Variants in CYREN observed in about 807,000 individuals in gnomAD.
CYREN encodes the protein cell cycle regulator of non-homologous end joining.
Under a neutral mutation model 9.7 loss-of-function variants are expected in CYREN, and 7 were observed. The ratio of observed to expected loss-of-function variants is 0.72; its 90% confidence interval spans 0.41 to 1.36. The LOEUF (loss-of-function observed/expected upper bound fraction) is 1.36. Among genes scored for constraint, CYREN ranks in the 40% most tolerant of loss-of-function variants. The probability of loss-of-function intolerance (pLI) is 0.01; values close to 1 mark genes in which losing one functional copy is unlikely to be tolerated. For synonymous variants in CYREN, 76 were observed against 77.9 expected (o/e 0.98, Z 0.13); for missense variants, 215 against 198.1 (o/e 1.09, Z -0.51).
intron 2 of CYREN, among the ~76,000 whole-genome samples, chr7:135,122,669 CAGA>C (rs1252144707): frequency 6.6e-6 from 1 of 152,152 alleles, no homozygotes; most frequent in Non-Finnish European, 1.5e-5. Flanking sequence ...TCAGAGATCC[CAGA>C]AGAAGGAGCA....
downstream of CYREN, chr7:135,164,910 G>A (rs201284142): frequency 1.8e-4 from 290 of 1,614,104 alleles, no homozygotes; most frequent in Non-Finnish European, 2.4e-4. Flanking sequence ...TCTGGGCAGC[G>A]CCCAGGCCTT....
chr7:135,128,927 C>T (rs1039592378), intron 2 of CYREN: 3 of 1,534,328 alleles, frequency 2.0e-6, no homozygotes, highest in African/African-American at 2.7e-5. Context: ...TGTTCCTGTG[C>T]AATATCTGTT....
chr7:135,094,653 C>T (rs747237283), intron 2 of CYREN: 27 of 390,494 alleles, frequency 6.9e-5, no homozygotes, highest in Non-Finnish European at 1.3e-4. Context: ...AGGGCCTACT[C>T]TCTTAGGGTG....
rs559118247 is a variant in CYREN, at chr7:135,149,188, CT to C, written n.356+19560del. On this transcript the variant is annotated intron_variant and non_coding_transcript_variant, in intron 2 of 2. Coordinates refer to the CYREN transcript ENST00000459937. The stretch of plus-strand genomic sequence containing the variant: ...TTTTGAATGCCTGTTTTATAAATTT[CT>C]TTTTTTTTCATAAATGTAGCACATA... Among the ~76,000 whole-genome samples, 723 of 151,246 alleles carry C rather than the reference CT, an allele frequency of 4.8e-3. 3 individuals carry two copies. The highest frequency in any genetic ancestry group is 0.016 in the African/African-American group (677 of 41,270).
chr7:135,129,439 T>C, intron 2 of CYREN: 1 of 784,904 alleles, frequency 1.3e-6, no homozygotes, highest in Non-Finnish European at 2.4e-6. Flanking sequence ...CTGGAAGAGA[T>C]GGAAAGTAAG....
exon 3 of CYREN, chr7:135,094,345 C>T (rs769731849): frequency 1.5e-4 from 70 of 456,300 alleles, no homozygotes; most frequent in Admixed American, 5.4e-4. Flanking sequence ...AAGAGACAGA[C>T]GAATCCAGGG....
chr7:135,131,031 T>G (rs940823253), intron 2 of CYREN, among the ~76,000 whole-genome samples: 2 of 152,136 alleles, frequency 1.3e-5, no homozygotes, highest in Non-Finnish European at 2.9e-5. Context: ...CTGTTTTAGG[T>G]GTGTGTGTCC....
chr7:135,154,829 G>C (rs1829749584), intron 2 of CYREN, among the ~76,000 whole-genome samples: 1 of 152,200 alleles, frequency 6.6e-6, no homozygotes, highest in Admixed American at 6.5e-5. Flanking sequence ...TTCTGTAGTT[G>C]TTGGGTAGAA....
intron 2 of CYREN, among the ~76,000 whole-genome samples, chr7:135,118,754 C>T (rs1393895722): frequency 6.6e-6 from 1 of 151,556 alleles, no homozygotes; most frequent in African/African-American, 2.4e-5. Context: ...TAAAATGCTT[C>T]AAAAAACACT....
intron 2 of CYREN, chr7:135,100,073 A>C (rs1366204928): frequency 6.6e-6 from 1 of 151,202 alleles, no homozygotes; most frequent in Non-Finnish European, 1.5e-5. Flanking sequence ...TTTTTAGTAG[A>C]GATGGGGTTT....
Position 135,094,417 on chromosome 7 carries a change from C to A in CYREN, n.522G>T, listed in dbSNP as rs1340398754. The A allele has an allele frequency of 6.6e-6, 3 of 456,672 alleles. No homozygotes were observed. In the East Asian group the frequency reaches 2.1e-4, roughly 32 times the overall value. The allele number at this position is 456,672 out of a possible 1,614,324, so 28.3% of individuals were successfully genotyped here. On this transcript the variant is annotated non_coding_transcript_exon_variant, in exon 3 of 3. Transcript: ENST00000459937. ...TGCTAGAATCATAAACTGGTAGGAA[C>A]ACTTAAACAGTGATTTTAACAAATT... is the stretch of plus-strand genomic sequence containing the variant.
At chr7:135,165,187 AG>A (rs1383065553), downstream of CYREN, 2 of 594,742 alleles carry the variant, frequency 3.4e-6, no homozygotes, top group African/African-American at 1.9e-5. Flanking sequence ...GTGACTTCTT[AG>A]TACAAGATTG....
At chr7:135,100,671 T>C (rs1585115150) in intron 2 of CYREN, among the ~76,000 whole-genome samples, 2 of 152,382 alleles carry the variant, frequency 1.3e-5, no homozygotes, top group African/African-American at 4.8e-5. Context: ...TCTTTGGGCC[T>C]ACTTTCACTT....
At chr7:135,164,618 C>T (rs772586317), downstream of CYREN, 37 of 1,614,122 alleles carry the variant, frequency 2.3e-5, no homozygotes, top group Non-Finnish European at 3.0e-5. Context: ...ATGAGGACAC[C>T]AGCACCCTAC....
At chr7:135,171,167 G>GT (rs1245310039), upstream of CYREN, among the ~76,000 whole-genome samples, 1 of 152,220 alleles carries the variant, frequency 6.6e-6, no homozygotes, top group African/African-American at 2.4e-5. Flanking sequence ...AGTACTAATA[G>GT]TAAAATTATA....
At chr7:135,097,337 GA>G in intron 2 of CYREN, among the ~76,000 whole-genome samples, 1 of 152,122 alleles carries the variant, frequency 6.6e-6, no homozygotes, top group East Asian at 1.9e-4. Context: ...GGCAACAAAA[GA>G]AAAAATCCCC....
intron 2 of CYREN, among the ~76,000 whole-genome samples, chr7:135,157,476 CCT>C (rs1203857797): frequency 6.6e-6 from 1 of 152,162 alleles, no homozygotes; most frequent in Non-Finnish European, 1.5e-5. Context: ...GTAAGTGTGC[CCT>C]TTTTAGGCCC....
intron 2 of CYREN, among the ~76,000 whole-genome samples, chr7:135,111,735 A>C (rs560538470): frequency 1.1e-4 from 17 of 152,174 alleles, no homozygotes; most frequent in Non-Finnish European, 2.5e-4. Context: ...CATGTAGGAC[A>C]TCACCTCTGC....
chr7:135,140,124 A>G (rs1336227754), intron 2 of CYREN, among the ~76,000 whole-genome samples: 1 of 152,028 alleles, frequency 6.6e-6, no homozygotes, highest in Non-Finnish European at 1.5e-5. Flanking sequence ...TTGATAAAGA[A>G]TACATTGAAT....
Sources: gnomAD v4.1 joint callset for allele counts (sites outside exome capture counted in the v4.1 genomes callset) on GRCh38, gnomAD v4.1.1 for gene constraint, MANE v1.5 for transcripts, NCBI Gene and HGNC (gene_info 2026-07-23, HGNC 2026-07-21) for gene names.